Variants in TYW1B observed in about 807,000 individuals in gnomAD.
TYW1B encodes the protein S-adenosyl-L-methionine-dependent tRNA 4-demethylwyosine synthase TYW1B.
In TYW1B, 73 loss-of-function variants were observed where a neutral mutation model predicts 86.9. The observed-to-expected ratio is 0.84, with a 90% CI of 0.70 to 1.02. The LOEUF is 1.02. TYW1B is among the 50% of genes least tolerant of loss of function. The pLI, the probability that TYW1B is intolerant of heterozygous loss-of-function variation, is 0.00. For missense variants in TYW1B, 637 were observed against 827.4 expected (o/e 0.77, Z 2.82); for synonymous variants, 248 against 292.8 (o/e 0.85, Z 1.56).
At chr7:72,648,177 G>T (rs1554442296) in intron 11 of TYW1B, among the ~76,000 whole-genome samples, 1 of 152,080 alleles carries the variant, frequency 6.6e-6, no homozygotes, top group African/African-American at 2.4e-5. Flanking sequence ...TGATACTTAA[G>T]ATGAGATTGA....
In TYW1B at chr7:72,723,168, C is replaced by T. The variant is rs538089495; in HGVS notation, c.1192+5654G>A. On this transcript the variant is annotated intron_variant, in intron 9 of 13. Transcript: ENST00000620995. ...AAATATATAAGGGGGAAAGGGGTGG[C>T]GAGGGAGGGGTTGTGGGGCTGGGGC... 3.6e-3 allele frequency: 1,499 copies of T among 418,536 alleles called. 15 individuals carry two copies. Among genetic ancestry groups the T allele is most frequent in the Non-Finnish European group, 4.9e-3 (1,213 of 246,708 alleles). 25.9% of individuals were successfully genotyped at this position (418,536 alleles called of 1,614,324 possible).
At chr7:72,641,984 G>A (rs1812810397) in intron 11 of TYW1B, among the ~76,000 whole-genome samples, 1 of 152,136 alleles carries the variant, frequency 6.6e-6, no homozygotes, top group Admixed American at 6.6e-5. Flanking sequence ...CGTACTCAAA[G>A]CTATGTTAAT....
At chr7:72,733,159 A>AACACACACACACAC (rs145935571) in intron 8 of TYW1B, among the ~76,000 whole-genome samples, 82 of 147,210 alleles carry the variant, frequency 5.6e-4, no homozygotes, top group South Asian at 2.4e-3. Context: ...CCAAACCTAA[A>AACACACACACACAC]ACACACACAC....
At chr7:72,624,048 G>T (rs1554438386) in intron 12 of TYW1B, among the ~76,000 whole-genome samples, 3 of 152,160 alleles carry the variant, frequency 2.0e-5, no homozygotes. Flanking sequence ...TGATCTGCCT[G>T]ACTCGGCCTC....
At chr7:72,744,777 G>A (rs1554463356) in intron 7 of TYW1B, among the ~76,000 whole-genome samples, 176 bp from the exon 8 acceptor site, 3 of 152,092 alleles carry the variant, frequency 2.0e-5, no homozygotes, top group Admixed American at 1.3e-4. Context: ...CAGTGCTTTG[G>A]GTTTTTACTA....
At position 72,740,630 on chromosome 7, in the gene TYW1B, A is replaced by T. The variant is rs1236598086; in HGVS notation, c.1082+3854T>A. 3.3e-5 allele frequency among the ~76,000 whole-genome samples: 5 copies of T among 152,222 alleles called. No individual in the cohort carries two copies. In the East Asian group the frequency reaches 9.6e-4, roughly 29 times the overall value. On this transcript the variant is annotated intron_variant, in intron 8 of 13. Coordinates refer to ENST00000620995, the MANE Select transcript of TYW1B (RefSeq NM_001145440.3). ...CAAGCATAGTTTAGAAAACTCACTAAACAAACAAAACCCAGAGCAAGCAAT... is the reference window on the plus strand; with the variant it reads ...CAAGCATAGTTTAGAAAACTCACTATACAAACAAAACCCAGAGCAAGCAAT...
At chr7:72,706,122 T>A (rs1369547682) in intron 10 of TYW1B, among the ~76,000 whole-genome samples, 1 of 152,168 alleles carries the variant, frequency 6.6e-6, no homozygotes, top group African/African-American at 2.4e-5. Flanking sequence ...GGATTGCATA[T>A]GAAACACACA....
intron 11 of TYW1B, among the ~76,000 whole-genome samples, chr7:72,665,951 T>C (rs1332911848): frequency 6.6e-6 from 1 of 152,138 alleles, no homozygotes; most frequent in Non-Finnish European, 1.5e-5. Flanking sequence ...GGAAAATGGG[T>C]AAGTACTGGA....
intron 9 of TYW1B, among the ~76,000 whole-genome samples, chr7:72,724,823 G>A (rs1786969080): frequency 6.6e-6 from 1 of 152,146 alleles, no homozygotes; most frequent in African/African-American, 2.4e-5. Context: ...TGAAATTGGT[G>A]GCAGTTGTTG....
At chr7:72,711,289 A>G (rs1326308271) in intron 10 of TYW1B, among the ~76,000 whole-genome samples, 1 of 152,054 alleles carries the variant, frequency 6.6e-6, no homozygotes, top group Non-Finnish European at 1.5e-5. Flanking sequence ...GATAAGCATA[A>G]GCACCACAAA....
intron 11 of TYW1B, among the ~76,000 whole-genome samples, chr7:72,666,893 G>A (rs1446556953): frequency 3.3e-5 from 5 of 151,602 alleles, no homozygotes; most frequent in South Asian, 2.1e-4. Flanking sequence ...TTAGCCAGGC[G>A]TGGTGGCAGG....
intron 6 of TYW1B, among the ~76,000 whole-genome samples, chr7:72,796,925 T>TGAGGCAGGGATTACAGG (rs1788315336): frequency 6.7e-6 from 1 of 148,538 alleles, no homozygotes; most frequent in African/African-American, 2.5e-5. Context: ...CGCCTCAGCC[T>TGAGGCAGGGATTACAGG]CCTGAGTAGC....
chr7:72,750,416 TGAGAA>T (rs1787479848), intron 7 of TYW1B, among the ~76,000 whole-genome samples: 1 of 152,246 alleles, frequency 6.6e-6, no homozygotes. Flanking sequence ...TGGTTTCAGA[TGAGAA>T]ACGTGCTGTC....
chr7:72,750,583 T>C (rs1230343874), intron 7 of TYW1B, among the ~76,000 whole-genome samples: 1 of 152,210 alleles, frequency 6.6e-6, no homozygotes, highest in Non-Finnish European at 1.5e-5. Context: ...CTCAAATTCA[T>C]GAAGCTGTAG....
intron 7 of TYW1B, among the ~76,000 whole-genome samples, chr7:72,753,526 C>T (rs901964444): frequency 1.3e-5 from 2 of 149,042 alleles, no homozygotes; most frequent in African/African-American, 4.9e-5. Flanking sequence ...TGTTGCCCAG[C>T]CTGGAGTGCA....
rs1563038781 is a variant in TYW1B, at chr7:72,632,402, T to TATACGTATATATATA, written c.1507-3406_1507-3405insTATATATATACGTAT. On this transcript the variant is annotated intron_variant, in intron 11 of 13. Transcript: ENST00000620995. Reference sequence around the variant, plus strand: ...TATATATATACGTATATATATATAATATATATATACATATATATATAAAAT... The same window carrying TATACGTATATATATA: ...TATATATATACGTATATATATATAATATACGTATATATATAATATATATACATATATATATAAAAT... Among the ~76,000 whole-genome samples the TATACGTATATATATA allele has an allele frequency of 2.5e-4, 20 of 79,680 alleles. 1 individual carries two copies. Among genetic ancestry groups the TATACGTATATATATA allele is most frequent in the African/African-American group, 1.7e-3 (17 of 9,876 alleles). 52.3% of individuals were successfully genotyped at this position (79,680 alleles called of 152,430 possible).
At chr7:72,605,510 C>T (rs1183366532) in intron 13 of TYW1B, among the ~76,000 whole-genome samples, 2 of 152,018 alleles carry the variant, frequency 1.3e-5, no homozygotes, top group East Asian at 1.9e-4. Flanking sequence ...CGTGCCACCA[C>T]GCCTGGCTAA....
intron 8 of TYW1B, among the ~76,000 whole-genome samples, chr7:72,732,721 A>C (rs1440169878): frequency 6.6e-6 from 1 of 152,124 alleles, no homozygotes; most frequent in Non-Finnish European, 1.5e-5. Flanking sequence ...AGCAAAAACA[A>C]ACCAAACCCA....
rs1336734600 is a variant in TYW1B at position 72,827,722 on chromosome 7, AT to A, written c.4+349del. Among the ~76,000 whole-genome samples, 1,109 of 147,064 alleles carry A rather than the reference AT, an allele frequency of 7.5e-3. 15 individuals carry two copies. Among genetic ancestry groups the A allele is most frequent in the African/African-American group, 0.022 (898 of 40,396 alleles). On this transcript the variant is annotated intron_variant, in intron 1 of 13. Transcript: ENST00000620995. ...TCTCAAGTAACTGACCTTACGTCTCATTTTTTTTTTTAAGAGAGATATGGAA... is the reference window on the plus strand; with the variant it reads ...TCTCAAGTAACTGACCTTACGTCTCATTTTTTTTTTAAGAGAGATATGGAA...
Sources: allele counts gnomAD v4.1 joint callset (sites outside exome capture counted in the v4.1 genomes callset), GRCh38; gene constraint gnomAD v4.1.1; transcripts MANE v1.5; gene names NCBI Gene and HGNC (gene_info 2026-07-23, HGNC 2026-07-21).